The following RECQL5 variants were observed in gnomAD, a reference collection of about 807,000 sequenced individuals.
RECQL5 encodes ATP-dependent DNA helicase Q5.
RECQL5 carries 88 observed loss-of-function variants against 103.4 expected under a neutral mutation model. The observed-to-expected ratio is 0.85, with a 90% CI of 0.72 to 1.02. The LOEUF (loss-of-function observed/expected upper bound fraction) is 1.02, where lower values mean the gene tolerates loss of function less well. Ranked by LOEUF, RECQL5 falls within the 50% of genes least tolerant of loss-of-function variation. RECQL5 has a pLI of 0.00. For synonymous variants in RECQL5, 552 were observed against 507.9 expected (o/e 1.09, Z -1.17); for missense variants, 1,232 against 1,284.3 (o/e 0.96, Z 0.62).
Position 75,630,852 on chromosome 17 carries a change from G to T in RECQL5, c.1586-15C>A. Reference sequence around the variant, plus strand: ...ACAGTTCTCATCTGTGGGGGGGGGGGGTGGTCCTTGGTCCTTTCGCTCCAC... The same window carrying T: ...ACAGTTCTCATCTGTGGGGGGGGGGTGTGGTCCTTGGTCCTTTCGCTCCAC... On this transcript the variant is annotated splice_polypyrimidine_tract_variant and intron_variant, in intron 11 of 19. Coordinates refer to ENST00000317905, the MANE Select transcript of RECQL5 (RefSeq NM_004259.7). The T allele has an allele frequency of 3.5e-6, 5 of 1,433,546 alleles. No homozygotes were observed. The highest frequency in any genetic ancestry group is 1.5e-5 in the African/African-American group (1 of 66,896). The allele number at this position is 1,433,546 out of a possible 1,614,324, so 88.8% of individuals were successfully genotyped here.
In RECQL5 at chr17:75,640,869, A is replaced by G; in HGVS notation, c.1230-9201T>C. On this transcript the variant is annotated intron_variant, in intron 8 of 19. Transcript: ENST00000317905. This position sits in a 1 kb window ranked among gnomAD's most constrained non-coding sequence, Gnocchi z 4.6. ...TGCTGCCCTGAGCGGAGAGGCAGGAAGGTCCAGGTGCAGCCGACACCACCA... is the reference window on the plus strand; with the variant it reads ...TGCTGCCCTGAGCGGAGAGGCAGGAGGGTCCAGGTGCAGCCGACACCACCA... 1 of 1,547,568 alleles carries G rather than the reference A, an allele frequency of 6.5e-7. No homozygotes were observed. Among genetic ancestry groups the G allele is most frequent in the Non-Finnish European group, 8.7e-7 (1 of 1,146,950 alleles).
Position 75,667,134 on chromosome 17 carries a change from A to C in RECQL5, c.-105T>G. The C allele has an allele frequency of 1.8e-6, 1 of 542,746 alleles. No individual in the cohort carries two copies. The highest frequency in any genetic ancestry group is 2.1e-5 in the South Asian group (1 of 48,204). 33.6% of individuals were successfully genotyped at this position (542,746 alleles called of 1,614,324 possible). On this transcript the variant is annotated 5_prime_UTR_variant, in exon 1 of 20. Transcript: ENST00000317905. ...CCCTATACACAACCCCAACTCAGAG[A>C]AGCCAAAGCGCTGGGAATTCAGCTT...
intron 8 of RECQL5, among the ~76,000 whole-genome samples, chr17:75,644,390 G>A (rs568750383): frequency 5.3e-5 from 8 of 152,068 alleles, no homozygotes; most frequent in Non-Finnish European, 1.0e-4. Context: ...AAGGATCCTT[G>A]AGCTCGGGAG....
intron 1 of RECQL5, 105 bp from the exon 2 acceptor site, chr17:75,666,676 TTAAA>T: frequency 9.3e-7 from 1 of 1,074,966 alleles, no homozygotes; most frequent in Non-Finnish European, 1.3e-6. Flanking sequence ...TATATTACAC[TTAAA>T]TAATGTATTA....
At chr17:75,660,057 T>C (rs1383936549) in intron 6 of RECQL5, among the ~76,000 whole-genome samples, 3 of 152,082 alleles carry the variant, frequency 2.0e-5, no homozygotes, top group African/African-American at 7.2e-5. Context: ...TATTGTGTTT[T>C]GGTTTTTGGT....
At chr17:75,647,714 G>GT (rs1292665534) in intron 8 of RECQL5, 6 of 753,238 alleles carry the variant, frequency 8.0e-6, no homozygotes, top group Non-Finnish European at 1.3e-5. Context: ...GTAAAATACT[G>GT]TATCTGGCTT....
chr17:75,650,965 C>T, intron 8 of RECQL5: 1 of 1,475,788 alleles, frequency 6.8e-7, no homozygotes, highest in East Asian at 2.4e-5. Flanking sequence ...AAGGACACCA[C>T]TCAGAATACT....
rs2059110207 is a variant in RECQL5 at position 75,627,218 on chromosome 17, C to CT, written c.*203dup. The stretch of plus-strand genomic sequence containing the variant: ...CCATGAGGACCGCTCTGAGAAGGGT[C>CT]TATAGGCTTTGCAAGCAGAAAGAAA... On this transcript the variant is annotated 3_prime_UTR_variant, in exon 20 of 20. Transcript: ENST00000317905. The CT allele has an allele frequency of 1.5e-6, 1 of 663,318 alleles. No homozygotes were observed. The highest frequency in any genetic ancestry group is 2.8e-6 in the Non-Finnish European group (1 of 361,860). 41.1% of individuals were successfully genotyped at this position (663,318 alleles called of 1,614,324 possible).
At chr17:75,630,408 C>G (rs1054388135) in intron 13 of RECQL5, 131 bp from the exon 14 acceptor site, 2 of 937,132 alleles carry the variant, frequency 2.1e-6, no homozygotes, top group Non-Finnish European at 3.2e-6. Flanking sequence ...TCTCTGAGCA[C>G]CCTGTGGCTT....
At chr17:75,630,107 G>C in intron 14 of RECQL5, 77 bp downstream of exon 14, 2 of 1,293,872 alleles carry the variant, frequency 1.5e-6, no homozygotes, top group South Asian at 3.0e-5. Context: ...TGAGCCCAGA[G>C]AGCTGGCAGA....
At chr17:75,644,584 C>CA (rs972859009) in intron 8 of RECQL5, among the ~76,000 whole-genome samples, 20 of 150,780 alleles carry the variant, frequency 1.3e-4, no homozygotes, top group Non-Finnish European at 2.4e-4. Context: ...GACCCTGTCT[C>CA]AAAAAAAATA....
At chr17:75,650,912 G>A (rs2059546897) in intron 8 of RECQL5, 8 of 1,442,422 alleles carry the variant, frequency 5.5e-6, no homozygotes, top group Non-Finnish European at 7.2e-6. Flanking sequence ...GGAACTGAGT[G>A]GCTTGTGGGG....
rs1258255771 is a variant in RECQL5 at position 75,628,708 on chromosome 17, CT to C, written c.2543del (p.Lys848ArgfsTer33). ...GAGGCCGCTTGCCCTTCCATGTGTC[CT>C]TTGCAGGGGTGGGCTGGACTTCAGG... is the stretch of plus-strand genomic sequence containing the variant. The part of the protein sequence containing the change: ...GTPEVQPTPA[K>X]DTWKGKRPRS... On this transcript the variant is annotated frameshift_variant, in exon 17 of 20. Coordinates refer to ENST00000317905, the MANE Select transcript of RECQL5 (RefSeq NM_004259.7). LOFTEE classifies it high-confidence loss of function. 6.3e-7 allele frequency: 1 copy of C among 1,591,526 alleles called. No individual in the cohort carries two copies.
intron 7 of RECQL5, among the ~76,000 whole-genome samples, chr17:75,653,560 G>A (rs2059580728): frequency 6.6e-6 from 1 of 152,008 alleles, no homozygotes; most frequent in East Asian, 1.9e-4. Flanking sequence ...ATGTCTATTT[G>A]CCAACATATC....
chr17:75,642,542 G>A (rs755885958), intron 8 of RECQL5, among the ~76,000 whole-genome samples: 36 of 152,206 alleles, frequency 2.4e-4, no homozygotes, highest in Admixed American at 6.5e-4. Flanking sequence ...GACCCAGAGA[G>A]TAAGTGTTTT....
In RECQL5 at chr17:75,637,806, C is replaced by T. The variant is rs2059354392; in HGVS notation, c.1230-6138G>A. ...GAGCCCACTGCACGGGCAGTACCCT[C>T]AGCGGGGCTGCTCCTGGCTATCTTG... On this transcript the variant is annotated intron_variant, in intron 8 of 19. Transcript: ENST00000317905. The T allele has an allele frequency of 1.3e-5, 2 of 152,326 alleles. 1 individual carries two copies. The highest frequency in any genetic ancestry group is 4.1e-4 in the South Asian group (2 of 4,838). The allele number at this position is 152,326 out of a possible 1,614,324, so 9.4% of individuals were successfully genotyped here. A position where few individuals can be genotyped will look rare whatever the true frequency, so the allele number is the denominator to read the frequency against.
Position 75,628,663 on chromosome 17 carries a change from T to C in RECQL5, c.2580+9A>G. 1 of 1,582,440 alleles carries C rather than the reference T, an allele frequency of 6.3e-7. No homozygotes were observed. Among genetic ancestry groups the C allele is most frequent in the Admixed American group, 2.0e-5 (1 of 50,722 alleles). Reference sequence around the variant, plus strand: ...CTCTCCTCCCCAACAGACTCATCCCTGCCGGCACCTGCTGGGATCGAGGCC... The same window carrying C: ...CTCTCCTCCCCAACAGACTCATCCCCGCCGGCACCTGCTGGGATCGAGGCC... On this transcript the variant is annotated intron_variant, in intron 17 of 19. Coordinates refer to ENST00000317905, the MANE Select transcript of RECQL5 (RefSeq NM_004259.7).
chr17:75,637,153 C>G (rs2059338938), intron 8 of RECQL5: 1 of 152,320 alleles, frequency 6.6e-6, no homozygotes, highest in Non-Finnish European at 1.5e-5. Context: ...CCTTCCTCCT[C>G]CCTGTTCTGG....
intron 6 of RECQL5, 98 bp from the exon 7 acceptor site, chr17:75,658,558 TAGGG>T: frequency 8.9e-7 from 1 of 1,128,714 alleles, no homozygotes; most frequent in Non-Finnish European, 1.3e-6. Flanking sequence ...GGCCAGCAGA[TAGGG>T]AGGGAGAGGG....
Sources: gnomAD v4.1 joint callset for allele counts (sites outside exome capture counted in the v4.1 genomes callset) on GRCh38, gnomAD v4.1.1 for gene constraint, Gnocchi (gnomAD v3.1) non-coding constraint, MANE v1.5 for transcripts, NCBI Gene and HGNC (gene_info 2026-07-23, HGNC 2026-07-21) for gene names.